Variants in KDSR observed in about 807,000 individuals in gnomAD.
The protein encoded by KDSR is 3-ketodihydrosphingosine reductase.
A neutral mutation model predicts 41.3 loss-of-function variants in KDSR; 23 were observed. The observed-to-expected ratio is 0.56, with a 90% confidence interval of 0.40 to 0.79. The LOEUF is 0.79. Among genes scored for constraint, KDSR ranks in the 30% least tolerant of loss-of-function variants. The pLI, the probability that KDSR is intolerant of heterozygous loss-of-function variation, is 0.00. For missense variants in KDSR, 351 were observed against 416.8 expected (o/e 0.84, Z 1.37); for synonymous variants, 138 against 151.7 (o/e 0.91, Z 0.66).
At chr18:63,361,772 G>C (rs897531308) in intron 2 of KDSR, among the ~76,000 whole-genome samples, 1 of 152,146 alleles carries the variant, frequency 6.6e-6, no homozygotes, top group Non-Finnish European at 1.5e-5. Flanking sequence ...CCGAGATCAT[G>C]CCACTGCACT....
chr18:63,359,346 G>A (rs1023081206), intron 3 of KDSR, among the ~76,000 whole-genome samples: 2 of 151,826 alleles, frequency 1.3e-5, no homozygotes, highest in African/African-American at 4.8e-5. Context: ...CTGGGTGATG[G>A]GTGTGTGATT....
At chr18:63,351,243 A>C (rs1914655427) in intron 5 of KDSR, among the ~76,000 whole-genome samples, 164 bp from the exon 6 acceptor site, 1 of 152,224 alleles carries the variant, frequency 6.6e-6, no homozygotes, top group South Asian at 2.1e-4. Context: ...ATATAAATGA[A>C]ATGTGATTTG....
At chr18:63,360,131 A>C (rs745656672) in intron 2 of KDSR, among the ~76,000 whole-genome samples, 1 of 152,226 alleles carries the variant, frequency 6.6e-6, no homozygotes, top group Non-Finnish European at 1.5e-5. Flanking sequence ...GTGATATAAG[A>C]CAAGAACAAC....
intron 9 of KDSR, among the ~76,000 whole-genome samples, chr18:63,333,380 T>G (rs1314305266): frequency 6.6e-6 from 1 of 152,192 alleles, no homozygotes; most frequent in Non-Finnish European, 1.5e-5. Flanking sequence ...GCCACCATAC[T>G]CAGGTGCAAT....
At chr18:63,361,763 C>T (rs1480488432) in intron 2 of KDSR, among the ~76,000 whole-genome samples, 4 of 151,944 alleles carry the variant, frequency 2.6e-5, no homozygotes, top group African/African-American at 9.7e-5. Flanking sequence ...TGCAGTGAGC[C>T]GAGATCATGC....
At chr18:63,358,483 T>C (rs1914866335) in intron 3 of KDSR, among the ~76,000 whole-genome samples, 1 of 151,920 alleles carries the variant, frequency 6.6e-6, no homozygotes, top group Non-Finnish European at 1.5e-5. Context: ...CATAAAGCTG[T>C]TAAAAAATAA....
In KDSR at chr18:63,362,793, C is replaced by T. The variant is rs199675364; in HGVS notation, c.184G>A (p.Val62Ile). 4.2e-5 allele frequency: 67 copies of T among 1,612,030 alleles called. No individual in the cohort carries two copies. The highest frequency in any genetic ancestry group is 5.6e-5 in the Non-Finnish European group (66 of 1,178,460). ...AGAAGCCTTACCTCATTTCGTGCAA[C>T]CAGAGTTATAAAAGCTCCTTGTTTA... ...CYKQGAFITLVARNEDKLLQA... is the reference protein window; with the variant it reads ...CYKQGAFITLIARNEDKLLQA... Residue 62 changes from valine to isoleucine, a missense_variant, in exon 2 of 10, where the codon GTT (valine) becomes ATT (isoleucine). Transcript: ENST00000645214.
In KDSR at chr18:63,330,170, A is replaced by G. The variant is rs1181985150; in HGVS notation, c.*1612T>C. On this transcript the variant is annotated 3_prime_UTR_variant, in exon 10 of 10. Transcript: ENST00000645214. ...AAGTCAAGAGCTTCAAAAACTCAAG[A>G]GCAAAAAAAAGGTATGCTATAATTT... 5.1e-6 allele frequency: 1 copy of G among 196,360 alleles called. No homozygotes were observed. The highest frequency in any genetic ancestry group is 6.1e-5 in the Admixed American group (1 of 16,526). 12.2% of individuals were successfully genotyped at this position (196,360 alleles called of 1,614,324 possible).
chr18:63,343,382 T>C (rs1313807843), intron 7 of KDSR, among the ~76,000 whole-genome samples: 1 of 150,942 alleles, frequency 6.6e-6, no homozygotes, highest in African/African-American at 2.4e-5. Flanking sequence ...TTTTTTATTT[T>C]TAATTTTAAT....
At chr18:63,365,097 T>A (rs1483849946) in intron 1 of KDSR, among the ~76,000 whole-genome samples, 1 of 152,238 alleles carries the variant, frequency 6.6e-6, no homozygotes, top group Non-Finnish European at 1.5e-5. Context: ...AGAGATTTAT[T>A]TGGTCGGTAA....
Position 63,330,045 on chromosome 18 carries a change from C to G in KDSR, c.*1737G>C, listed in dbSNP as rs1349260219. The G allele has an allele frequency of 3.8e-5, 7 of 184,182 alleles. No homozygotes were observed. The highest frequency in any genetic ancestry group is 1.6e-4 in the African/African-American group (7 of 42,546). The allele number at this position is 184,182 out of a possible 1,614,324, so 11.4% of individuals were successfully genotyped here. A position where few individuals can be genotyped will look rare whatever the true frequency, so the allele number is the denominator to read the frequency against. ...TTTATATATTAAATAATAATTTCTT[C>G]TGTATCTATCAGTGTTTAAAATATG... On this transcript the variant is annotated 3_prime_UTR_variant, in exon 10 of 10. Coordinates refer to ENST00000645214, the MANE Select transcript of KDSR (RefSeq NM_002035.4).
chr18:63,344,634 T>C, intron 6 of KDSR, 141 bp from the exon 7 acceptor site: 1 of 567,030 alleles, frequency 1.8e-6, no homozygotes, highest in South Asian at 2.5e-5. Context: ...ACTACACCAA[T>C]TGCATTGAGA....
At chr18:63,346,968 G>C (rs1482517793) in intron 6 of KDSR, among the ~76,000 whole-genome samples, 1 of 152,012 alleles carries the variant, frequency 6.6e-6, no homozygotes. Context: ...ATGAGGGTAG[G>C]CTGGCTTTAC....
intron 9 of KDSR, among the ~76,000 whole-genome samples, chr18:63,332,574 G>GT (rs1267002144): frequency 2.6e-5 from 4 of 152,232 alleles, no homozygotes; most frequent in Non-Finnish European, 5.9e-5. Context: ...GCTCACGCCT[G>GT]TAATCCCAGC....
chr18:63,351,059 G>A lies in KDSR; in HGVS notation c.438C>T (p.Tyr146=), dbSNP rs1307604201. The A allele has an allele frequency of 1.2e-6, 2 of 1,613,754 alleles. No homozygotes were observed. Among genetic ancestry groups the A allele is most frequent in the Non-Finnish European group, 8.5e-7 (1 of 1,179,844 alleles). The change falls in exon 6 of 10, where the codon TAC becomes TAT. Residue 146 remains tyrosine, a synonymous_variant. Coordinates refer to ENST00000645214, the MANE Select transcript of KDSR (RefSeq NM_002035.4). ...CCCGGCTGGGGTACACGCTGCCCAG[G>A]TAATTGATGCTCATTAACCTCTGCA... The part of the protein sequence containing the change: ...STFERLMSIN[Y]LGSVYPSRAV...
At chr18:63,359,677 T>C in intron 3 of KDSR, 59 bp downstream of exon 3, 1 of 1,110,198 alleles carries the variant, frequency 9.0e-7, no homozygotes, top group Non-Finnish European at 1.4e-6. Context: ...AACTCTGTTT[T>C]TCCTTTATAC....
At chr18:63,361,702 C>G (rs1402730074) in intron 2 of KDSR, among the ~76,000 whole-genome samples, 1 of 152,028 alleles carries the variant, frequency 6.6e-6, no homozygotes, top group Non-Finnish European at 1.5e-5. Flanking sequence ...GTAGTCCCAG[C>G]TACTCAGGAA....
chr18:63,363,029 G>A (rs1302001670), intron 1 of KDSR, among the ~76,000 whole-genome samples, 161 bp from the exon 2 acceptor site: 2 of 152,152 alleles, frequency 1.3e-5, no homozygotes, highest in Non-Finnish European at 2.9e-5. Flanking sequence ...TGGAGTAAGT[G>A]TAAGCATGAA....
chr18:63,328,132 T>C lies in KDSR; in HGVS notation c.*3650A>G, dbSNP rs1913861804. 5.3e-6 allele frequency: 1 copy of C among 187,074 alleles called. No individual in the cohort carries two copies. The highest frequency in any genetic ancestry group is 2.3e-5 in the African/African-American group (1 of 42,718). The allele number at this position is 187,074 out of a possible 1,614,324, so 11.6% of individuals were successfully genotyped here. ...TTTAAAAGTGGCCTCAAGTGAGTAA[T>C]ACATGTTTAAATTAGAACCTGATGT... On this transcript the variant is annotated 3_prime_UTR_variant, in exon 10 of 10. Transcript: ENST00000645214.
Sources: allele counts gnomAD v4.1 joint callset (sites outside exome capture counted in the v4.1 genomes callset), GRCh38; gene constraint gnomAD v4.1.1; transcripts MANE v1.5; gene names NCBI Gene and HGNC (gene_info 2026-07-23, HGNC 2026-07-21).